The following NTRK3 variants were observed in gnomAD, a reference collection of about 807,000 sequenced individuals.
NTRK3 encodes the protein NT-3 growth factor receptor.
Under a neutral mutation model 91.7 loss-of-function variants are expected in NTRK3, and 24 were observed. That is an observed-to-expected ratio of 0.26 (90% CI 0.19 to 0.37). The LOEUF (loss-of-function observed/expected upper bound fraction) is 0.37. NTRK3 is among the 10% of genes least tolerant of loss of function. NTRK3 has a pLI of 1.00. For synonymous variants in NTRK3, 483 were observed against 404.0 expected (o/e 1.20, Z -2.34); for missense variants, 880 against 1,068.9 (o/e 0.82, Z 2.46).
chr15:87,885,759 A>G, intron 17 of NTRK3, 24 bp from the exon 18 acceptor site: 1 of 1,110,156 alleles, frequency 9.0e-7, no homozygotes, highest in Non-Finnish European at 1.2e-6. Flanking sequence ...ACAAAACAAT[A>G]ATAATATTAG....
chr15:87,903,227 G>A (rs575278399), intron 17 of NTRK3, among the ~76,000 whole-genome samples: 11 of 152,324 alleles, frequency 7.2e-5, no homozygotes, highest in South Asian at 4.1e-4. Flanking sequence ...GACAGGAGGC[G>A]GTGTCACAAT....
chr15:88,219,945 A>T (rs536514393), intron 3 of NTRK3, among the ~76,000 whole-genome samples: 213 of 152,232 alleles, frequency 1.4e-3, no homozygotes, highest in African/African-American at 4.8e-3. Flanking sequence ...CAAACCCAGA[A>T]ATGCCCGCAC....
chr15:88,145,194 T>A (rs942025553), intron 6 of NTRK3, among the ~76,000 whole-genome samples: 1 of 152,172 alleles, frequency 6.6e-6, no homozygotes, highest in Non-Finnish European at 1.5e-5. Context: ...CTCTTCCATT[T>A]GCCAGGAACT....
At chr15:87,943,572 C>T (rs941469028) in intron 14 of NTRK3, among the ~76,000 whole-genome samples, 3 of 152,288 alleles carry the variant, frequency 2.0e-5, no homozygotes, top group Middle Eastern at 3.4e-3. Context: ...AGAACACTCA[C>T]TCCCAGCTAC....
At chr15:88,121,668 C>T (rs1244279353) in intron 13 of NTRK3, among the ~76,000 whole-genome samples, 3 of 152,204 alleles carry the variant, frequency 2.0e-5, no homozygotes, top group African/African-American at 4.8e-5. Context: ...CTCCCAACCA[C>T]CCTGGCCACC....
chr15:87,967,500 A>C (rs2072892556), intron 14 of NTRK3, among the ~76,000 whole-genome samples: 1 of 152,210 alleles, frequency 6.6e-6, no homozygotes, highest in African/African-American at 2.4e-5. Context: ...TGCGAGCCTC[A>C]CATGTTCCTT....
intron 14 of NTRK3, among the ~76,000 whole-genome samples, chr15:87,941,962 C>G (rs1315401003): frequency 6.6e-6 from 1 of 152,168 alleles, no homozygotes; most frequent in East Asian, 1.9e-4. Context: ...GTGGATTATC[C>G]CAAGCGACTT....
chr15:88,108,908 G>A (rs1258429746), intron 13 of NTRK3, among the ~76,000 whole-genome samples: 2 of 152,138 alleles, frequency 1.3e-5, no homozygotes, highest in Non-Finnish European at 2.9e-5. Context: ...CATAAAGTTC[G>A]AGGAGCTATG....
At chr15:87,933,020 C>T (rs956906731) in exon 16 of NTRK3, 8 of 1,614,100 alleles carry the variant, frequency 5.0e-6, no homozygotes, top group Non-Finnish European at 5.9e-6. Flanking sequence ...ACCTGAGGAA[C>T]TTATTCAGGT....
intron 14 of NTRK3, among the ~76,000 whole-genome samples, chr15:88,011,190 C>G (rs2076854905): frequency 6.6e-6 from 1 of 152,156 alleles, no homozygotes; most frequent in Non-Finnish European, 1.5e-5. Context: ...TCCTGAGTGT[C>G]CCCAGAAAAC....
At chr15:88,171,435 C>A (rs1052095369) in intron 5 of NTRK3, among the ~76,000 whole-genome samples, 1 of 152,118 alleles carries the variant, frequency 6.6e-6, no homozygotes, top group African/African-American at 2.4e-5. Flanking sequence ...CTCCCTTTCC[C>A]CTTTAGCTTC....
At chr15:88,034,703 G>A (rs940464911) in intron 13 of NTRK3, among the ~76,000 whole-genome samples, 1 of 152,200 alleles carries the variant, frequency 6.6e-6, no homozygotes, top group Admixed American at 6.5e-5. Flanking sequence ...AGAACTAAAT[G>A]GGAGACTGGT....
At chr15:88,035,726 G>A (rs1031878902) in intron 13 of NTRK3, among the ~76,000 whole-genome samples, 2 of 152,100 alleles carry the variant, frequency 1.3e-5, no homozygotes, top group South Asian at 2.1e-4. Context: ...GACAATCAGC[G>A]ACCTGCAGGA....
chr15:88,240,506 A>G lies in NTRK3; in HGVS notation c.248+15400T>C, dbSNP rs755518140. On this transcript the variant is annotated intron_variant, in intron 3 of 18. Transcript: ENST00000394480. This position sits in a 1 kb window ranked among gnomAD's most constrained non-coding sequence, Gnocchi z 4.9. ...CTCCTTACCACCAAAACAGCACGTC[A>G]TGTGTCCTGTCGGCCCAAGGGTGCC... Among the ~76,000 whole-genome samples the G allele has an allele frequency of 1.3e-5, 2 of 152,150 alleles. No homozygotes were observed. Among genetic ancestry groups the G allele is most frequent in the Non-Finnish European group, 2.9e-5 (2 of 68,020 alleles).
intron 14 of NTRK3, chr15:87,978,724 A>G (rs944352517): frequency 3.9e-5 from 9 of 233,478 alleles, no homozygotes; most frequent in African/African-American, 1.8e-4. Flanking sequence ...TCCACCGAAA[A>G]TAAAAATAAA....
At chr15:88,095,660 C>T (rs2049510960) in intron 13 of NTRK3, among the ~76,000 whole-genome samples, 1 of 152,182 alleles carries the variant, frequency 6.6e-6, no homozygotes, top group African/African-American at 2.4e-5. Context: ...TAAATAGGTG[C>T]ATAACCCTCC....
chr15:87,943,545 C>T (rs1471961111), intron 14 of NTRK3, among the ~76,000 whole-genome samples: 6 of 152,084 alleles, frequency 3.9e-5, no homozygotes, highest in Admixed American at 3.9e-4. Context: ...GGCTGGGAGA[C>T]CTCACCAGCT....
chr15:88,138,130 G>A (rs999656512), intron 6 of NTRK3, among the ~76,000 whole-genome samples: 16 of 152,198 alleles, frequency 1.1e-4, no homozygotes, highest in South Asian at 2.1e-4. Context: ...GCGGCCGGGC[G>A]TGGTGGCTCA....
At chr15:88,139,169 A>G (rs968316983) in intron 6 of NTRK3, among the ~76,000 whole-genome samples, 2 of 152,230 alleles carry the variant, frequency 1.3e-5, no homozygotes, top group East Asian at 3.8e-4. Flanking sequence ...GTCACCTTCA[A>G]GGACTTCCTT....
Sources: allele counts gnomAD v4.1 joint callset (sites outside exome capture counted in the v4.1 genomes callset), GRCh38; gene constraint gnomAD v4.1.1; non-coding constraint Gnocchi (gnomAD v3.1); transcripts MANE v1.5; gene names NCBI Gene and HGNC (gene_info 2026-07-23, HGNC 2026-07-21).